EYS: variants seen among roughly 807,000 people sequenced by gnomAD.
EYS encodes EGF-like photoreceptor maintenance factor.
A neutral mutation model predicts 282.1 loss-of-function variants in EYS; 250 were observed. That is an observed-to-expected ratio of 0.89 (90% CI 0.80 to 0.98). The LOEUF is 0.98. Among genes scored for constraint, EYS ranks in the 50% least tolerant of loss-of-function variants. The pLI is 0.00. For synonymous variants in EYS, 1,355 were observed against 1,282.9 expected (o/e 1.06, Z -1.20); for missense variants, 4,016 against 3,709.0 (o/e 1.08, Z -2.15).
At chr6:64,929,640 C>A (rs1768643073) in intron 15 of EYS, among the ~76,000 whole-genome samples, 1 of 152,100 alleles carries the variant, frequency 6.6e-6, no homozygotes, top group African/African-American at 2.4e-5. Flanking sequence ...ATACTTAACT[C>A]CTGAGTTACT....
intron 1 of EYS, among the ~76,000 whole-genome samples, chr6:65,676,521 G>C (rs557031073): frequency 6.6e-6 from 1 of 151,620 alleles, no homozygotes; most frequent in Non-Finnish European, 1.5e-5. Flanking sequence ...GAAATAGAAA[G>C]TGTTAACAGG....
intron 2 of EYS, among the ~76,000 whole-genome samples, chr6:65,597,547 A>T (rs1765452316): frequency 1.3e-5 from 2 of 152,070 alleles, no homozygotes; most frequent in South Asian, 4.1e-4. Context: ...CTACATGCAT[A>T]TATTATTTTC....
intron 12 of EYS, among the ~76,000 whole-genome samples, chr6:65,164,465 T>C (rs932837325): frequency 2.0e-5 from 3 of 151,446 alleles, no homozygotes; most frequent in Non-Finnish European, 4.4e-5. Flanking sequence ...TTTCTTACTA[T>C]ATGCTTTCCA....
At chr6:64,061,863 G>A (rs1389774006) in intron 33 of EYS, among the ~76,000 whole-genome samples, 2 of 151,780 alleles carry the variant, frequency 1.3e-5, no homozygotes, top group Non-Finnish European at 2.9e-5. Context: ...GGGGACGCAC[G>A]CCTGTAATCC....
chr6:64,456,886 T>C (rs1775575054), intron 26 of EYS, among the ~76,000 whole-genome samples: 1 of 152,050 alleles, frequency 6.6e-6, no homozygotes, highest in Admixed American at 6.5e-5. Flanking sequence ...ATAATGCATA[T>C]TATATTGTCC....
At chr6:63,984,648 A>T (rs1767271710) in intron 34 of EYS, 45 bp from the exon 35 acceptor site, 3 of 1,344,756 alleles carry the variant, frequency 2.2e-6, no homozygotes, top group Non-Finnish European at 2.1e-6. Context: ...TTGTTGTCAG[A>T]TTATGTGGAA....
At chr6:64,862,421 T>TAC (rs10639475) in intron 19 of EYS, among the ~76,000 whole-genome samples, 23,570 of 152,110 alleles carry the variant, frequency 0.15, 2,129 homozygotes, top group East Asian at 0.49. Flanking sequence ...CTCAGCTTTT[T>TAC]GTGTAAGAGC....
At chr6:64,705,495 C>G (rs1048547094) in intron 22 of EYS, among the ~76,000 whole-genome samples, 6 of 151,666 alleles carry the variant, frequency 4.0e-5, no homozygotes, top group African/African-American at 1.5e-4. Context: ...TCATATGGAA[C>G]CAAAAAAAAG....
At chr6:65,251,248 T>C (rs1200681923) in intron 12 of EYS, among the ~76,000 whole-genome samples, 1 of 151,630 alleles carries the variant, frequency 6.6e-6, no homozygotes, top group Non-Finnish European at 1.5e-5. Context: ...ACAAATAGCA[T>C]CAATTTTATA....
intron 35 of EYS, among the ~76,000 whole-genome samples, chr6:63,900,892 A>G (rs1469448377): frequency 6.6e-6 from 1 of 152,214 alleles, no homozygotes; most frequent in Middle Eastern, 3.2e-3. Context: ...TACTAAACAA[A>G]TGGAAGAAAA....
rs762808355 is a variant in EYS at position 64,732,238 on chromosome 6, A to AGGTATG, written c.3443+81139_3443+81140insCATACC. ...GATGGGTTGCTGGGTGCAGCAAACC[A>AGGTATG]CCGTGGCACGTGTATACCTATGTAA... On this transcript the variant is annotated intron_variant, in intron 22 of 42. Transcript: ENST00000503581. Among the ~76,000 whole-genome samples, 13 of 151,846 alleles carry AGGTATG rather than the reference A, an allele frequency of 8.6e-5. No homozygotes were observed. In the East Asian group the frequency reaches 2.5e-3, roughly 29 times the overall value.
chr6:65,151,765 A>G (rs1208667907), intron 12 of EYS, among the ~76,000 whole-genome samples: 1 of 152,020 alleles, frequency 6.6e-6, no homozygotes, highest in Non-Finnish European at 1.5e-5. Context: ...CATATAATAC[A>G]TTATATTTTT....
At chr6:64,035,245 T>C (rs926600169) in intron 33 of EYS, among the ~76,000 whole-genome samples, 1 of 152,228 alleles carries the variant, frequency 6.6e-6, no homozygotes, top group African/African-American at 2.4e-5. Context: ...TCTAGGATTA[T>C]GGTTAATTTG....
intron 13 of EYS, among the ~76,000 whole-genome samples, chr6:65,041,171 A>G (rs1226862965): frequency 1.3e-5 from 2 of 151,714 alleles, no homozygotes; most frequent in Non-Finnish European, 3.0e-5. Flanking sequence ...ACAACAGATA[A>G]ACATTCTTAA....
intron 2 of EYS, among the ~76,000 whole-genome samples, chr6:65,546,552 AT>A (rs1313056031): frequency 5.5e-5 from 8 of 145,664 alleles, no homozygotes; most frequent in African/African-American, 2.1e-4. Context: ...GTATTTTTTT[AT>A]TTTTTTAATA....
At chr6:65,080,369 C>G (rs2150171124) in intron 12 of EYS, among the ~76,000 whole-genome samples, 1 of 152,116 alleles carries the variant, frequency 6.6e-6, no homozygotes, top group African/African-American at 2.4e-5. Context: ...TGAAGTTGTC[C>G]TTAATGTGAC....
intron 29 of EYS, among the ~76,000 whole-genome samples, chr6:64,308,567 ATATAT>A (rs1769545755): frequency 6.6e-6 from 1 of 152,072 alleles, no homozygotes; most frequent in Non-Finnish European, 1.5e-5. Flanking sequence ...ATACTGAAAA[ATATAT>A]TAGTTATCTT....
At chr6:64,369,272 TTCTATGTG>T (rs1426147627) in intron 29 of EYS, among the ~76,000 whole-genome samples, 2 of 152,080 alleles carry the variant, frequency 1.3e-5, no homozygotes, top group Non-Finnish European at 2.9e-5. Flanking sequence ...TGTTCCATTG[TTCTATGTG>T]TCTATTTTTA....
At chr6:64,942,845 A>AAAAAAAAAAAAC (rs1562268745) in intron 15 of EYS, among the ~76,000 whole-genome samples, 1 of 148,456 alleles carries the variant, frequency 6.7e-6, no homozygotes. Flanking sequence ...AAAAAAAAAC[A>AAAAAAAAAAAAC]AAAATGAAGT....
Sources: gnomAD v4.1 joint callset for allele counts (sites outside exome capture counted in the v4.1 genomes callset) on GRCh38, gnomAD v4.1.1 for gene constraint, MANE v1.5 for transcripts, NCBI Gene and HGNC (gene_info 2026-07-23, HGNC 2026-07-21) for gene names.